PRTFDC1: variants seen among roughly 807,000 people sequenced by gnomAD.
PRTFDC1 encodes the protein phosphoribosyl transferase domain containing 1.
PRTFDC1 carries 38 observed loss-of-function variants against 34.6 expected under a neutral mutation model. That is an observed-to-expected ratio of 1.10 (90% CI 0.85 to 1.44). PRTFDC1 has a LOEUF of 1.44. Ranked by LOEUF, PRTFDC1 falls within the 40% of genes most tolerant of loss-of-function variation. PRTFDC1 has a pLI of 0.00. For missense variants in PRTFDC1, 270 were observed against 283.0 expected (o/e 0.95, Z 0.33); for synonymous variants, 93 against 98.1 (o/e 0.95, Z 0.31).
chr10:24,857,465 C>G (rs1414019886), intron 5 of PRTFDC1, among the ~76,000 whole-genome samples: 1 of 152,198 alleles, frequency 6.6e-6, no homozygotes, highest in South Asian at 2.1e-4. Context: ...GGTGTCTGGA[C>G]AGCAGCTGGT....
chr10:24,908,907 T>C (rs1848582414), intron 3 of PRTFDC1: 1 of 608,288 alleles, frequency 1.6e-6, no homozygotes. Flanking sequence ...TCAGTTGTTC[T>C]AAATGTAAAG....
At chr10:24,851,622 G>A (rs1255302130) in intron 7 of PRTFDC1, among the ~76,000 whole-genome samples, 158 bp from the exon 8 acceptor site, 1 of 151,946 alleles carries the variant, frequency 6.6e-6, no homozygotes, top group Admixed American at 6.6e-5. Context: ...GAGCCCAAGA[G>A]GGACCTGGAC....
rs767453337 is a variant in PRTFDC1 at position 24,942,351 on chromosome 10, G to A, written c.134C>T (p.Pro45Leu). The A allele has an allele frequency of 6.2e-7, 1 of 1,612,196 alleles. No homozygotes were observed. The highest frequency in any genetic ancestry group is 2.2e-5 in the East Asian group (1 of 44,886). ...YYGDLEYVLI[P>L]HGIIVDRIER... ...TCACCTGTCCACAATGATACCATGA[G>A]GGATGAGGACATACTCCAAGTCTCC... is the stretch of plus-strand genomic sequence containing the variant. Residue 45 changes from proline (P) to leucine (L), a missense_variant, in exon 2 of 9, where the codon CCT becomes CTT. Coordinates refer to ENST00000320152, the MANE Select transcript of PRTFDC1 (RefSeq NM_020200.7).
chr10:24,916,693 C>T (rs1327014095), intron 3 of PRTFDC1, among the ~76,000 whole-genome samples: 2 of 152,182 alleles, frequency 1.3e-5, no homozygotes, highest in Non-Finnish European at 2.9e-5. Flanking sequence ...CCCCACAACC[C>T]CTCCAGCCTA....
chr10:24,916,785 G>C (rs541473482), intron 3 of PRTFDC1, among the ~76,000 whole-genome samples: 8 of 152,056 alleles, frequency 5.3e-5, no homozygotes, highest in African/African-American at 1.9e-4. Context: ...TCAATTTCCT[G>C]TCTGTTTTAC....
At chr10:24,901,643 C>T (rs117585753) in intron 3 of PRTFDC1, among the ~76,000 whole-genome samples, 1,649 of 152,238 alleles carry the variant, frequency 0.011, 30 homozygotes, top group East Asian at 0.085. Flanking sequence ...GCGAAAGGAT[C>T]GCTTGAGCCT....
At chr10:24,863,403 A>G (rs1185125410) in intron 4 of PRTFDC1, among the ~76,000 whole-genome samples, 1 of 152,196 alleles carries the variant, frequency 6.6e-6, no homozygotes, top group Non-Finnish European at 1.5e-5. Flanking sequence ...CTTGAGACCT[A>G]CTGCGCAGAA....
chr10:24,886,770 C>A (rs1848172245), intron 3 of PRTFDC1, among the ~76,000 whole-genome samples: 2 of 152,020 alleles, frequency 1.3e-5, no homozygotes, highest in Non-Finnish European at 2.9e-5. Context: ...TGCCACCATG[C>A]CCAGCTAATT....
At chr10:24,856,205 G>T (rs1847572897) in intron 6 of PRTFDC1, among the ~76,000 whole-genome samples, 1 of 151,162 alleles carries the variant, frequency 6.6e-6, no homozygotes, top group Non-Finnish European at 1.5e-5. Context: ...GAAGTTTGAG[G>T]CTGCAGTGAG....
In PRTFDC1 at chr10:24,896,270, C is replaced by T. The variant is rs118071775; in HGVS notation, c.340-24207G>A. On this transcript the variant is annotated intron_variant, in intron 3 of 8. Transcript: ENST00000320152. ...TTCTCATAGGATCACAACCCTATGG[C>T]GAACTGTGCATGCGAGGGATCTAGG... 7.5e-3 allele frequency among the ~76,000 whole-genome samples: 1,140 copies of T among 152,254 alleles called. 35 individuals carry two copies. In the East Asian group the frequency reaches 0.1, roughly 14 times the overall value.
chr10:24,887,019 G>A (rs1484492311), intron 3 of PRTFDC1, among the ~76,000 whole-genome samples: 1 of 132,416 alleles, frequency 7.6e-6, no homozygotes. Flanking sequence ...GTCGGACTGC[G>A]GACTGCAGTG....
intron 4 of PRTFDC1, among the ~76,000 whole-genome samples, chr10:24,860,938 T>C (rs1847669582): frequency 6.6e-6 from 1 of 152,232 alleles, no homozygotes; most frequent in Non-Finnish European, 1.5e-5. Context: ...GTTTCAACTT[T>C]AAAAAGAAAA....
intron 7 of PRTFDC1, among the ~76,000 whole-genome samples, chr10:24,854,031 C>G (rs573682632): frequency 6.6e-6 from 1 of 152,288 alleles, no homozygotes; most frequent in South Asian, 2.1e-4. Flanking sequence ...AACAACAGCT[C>G]CTACCTTTAG....
At chr10:24,951,088 A>T (rs112078121) in intron 1 of PRTFDC1, among the ~76,000 whole-genome samples, 49 of 152,152 alleles carry the variant, frequency 3.2e-4, no homozygotes, top group African/African-American at 1.2e-3. Context: ...CATAAATCGG[A>T]TACAATGATT....
chr10:24,887,530 C>A (rs757142427), intron 3 of PRTFDC1, among the ~76,000 whole-genome samples: 20 of 152,082 alleles, frequency 1.3e-4, no homozygotes, highest in Non-Finnish European at 2.5e-4. Context: ...GTGTTCGCTT[C>A]CCCTTCTGCC....
intron 4 of PRTFDC1, among the ~76,000 whole-genome samples, chr10:24,864,984 T>G (rs9417401): frequency 6.6e-6 from 1 of 151,854 alleles, no homozygotes; most frequent in African/African-American, 2.4e-5. Context: ...GGCATGGTGG[T>G]GCACGCCTGT....
In PRTFDC1 at chr10:24,951,598, A is replaced by T; in HGVS notation, c.48+930T>A. On this transcript the variant is annotated intron_variant, in intron 1 of 8. Coordinates refer to ENST00000320152, the MANE Select transcript of PRTFDC1 (RefSeq NM_020200.7). Reference sequence around the variant, plus strand: ...CATAAACAGATTATCTGTGAATGACAAGCTGATCCCTGGAAAGAGATGGCA... The same window carrying T: ...CATAAACAGATTATCTGTGAATGACTAGCTGATCCCTGGAAAGAGATGGCA... 3.0e-6 allele frequency: 3 copies of T among 985,410 alleles called. No homozygotes were observed. The South Asian group carries it at 1.4e-4, about 46-fold the overall frequency. The allele number at this position is 985,410 out of a possible 1,614,324, so 61.0% of individuals were successfully genotyped here.
At chr10:24,888,499 C>T (rs187718341) in intron 3 of PRTFDC1, among the ~76,000 whole-genome samples, 3 of 152,242 alleles carry the variant, frequency 2.0e-5, no homozygotes, top group Middle Eastern at 3.4e-3. Flanking sequence ...GGGAAGGGAG[C>T]GGACATGGGA....
At chr10:24,863,335 C>T (rs1296392386) in intron 4 of PRTFDC1, among the ~76,000 whole-genome samples, 1 of 152,194 alleles carries the variant, frequency 6.6e-6, no homozygotes, top group Non-Finnish European at 1.5e-5. Flanking sequence ...TATATAGGCA[C>T]ATCTGCTTAC....
Sources: allele counts gnomAD v4.1 joint callset (sites outside exome capture counted in the v4.1 genomes callset), GRCh38; gene constraint gnomAD v4.1.1; transcripts MANE v1.5; gene names NCBI Gene and HGNC (gene_info 2026-07-23, HGNC 2026-07-21).